Variants in ZBTB17 observed in about 807,000 individuals in gnomAD.
The protein encoded by ZBTB17 is zinc finger and BTB domain containing 17.
ZBTB17 carries 24 observed loss-of-function variants against 85.1 expected under a neutral mutation model. The observed-to-expected ratio is 0.28, with a 90% CI of 0.20 to 0.40. The LOEUF is 0.40. ZBTB17 is among the 10% of genes least tolerant of loss of function. The probability of loss-of-function intolerance (pLI) is 1.00; values close to 1 mark genes in which losing one functional copy is unlikely to be tolerated. For missense variants in ZBTB17, 743 were observed against 1,105.1 expected (o/e 0.67, Z 4.65); for synonymous variants, 464 against 460.2 (o/e 1.01, Z -0.11).
intron 12 of ZBTB17, 101 bp downstream of exon 12, chr1:15,943,298 G>A (rs1318722775): frequency 1.3e-5 from 20 of 1,595,836 alleles, no homozygotes; most frequent in South Asian, 2.2e-5. Flanking sequence ...CCTGGGGCGT[G>A]GGCAGCAGTC....
At chr1:15,959,402 C>T (rs2072166628) in intron 2 of ZBTB17, among the ~76,000 whole-genome samples, 1 of 151,794 alleles carries the variant, frequency 6.6e-6, no homozygotes, top group African/African-American at 2.4e-5. Context: ...TATATCCTTT[C>T]TGTGCTGTTT....
intron 2 of ZBTB17, among the ~76,000 whole-genome samples, chr1:15,955,689 C>T (rs1052345183): frequency 6.6e-6 from 1 of 152,214 alleles, no homozygotes; most frequent in Non-Finnish European, 1.5e-5. Context: ...ATGGCTCACA[C>T]CTGTAATCCT....
At chr1:15,975,272 TTTA>T (rs1246929444) in intron 1 of ZBTB17, among the ~76,000 whole-genome samples, 3 of 152,186 alleles carry the variant, frequency 2.0e-5, no homozygotes, top group Non-Finnish European at 4.4e-5. Flanking sequence ...GGAGGCTGAT[TTTA>T]TTATCATCTC....
Position 15,943,004 on chromosome 1 carries a change from T to A in ZBTB17, c.1828+60A>T. 2.5e-6 allele frequency: 4 copies of A among 1,602,256 alleles called. No homozygotes were observed. In the South Asian group the frequency reaches 4.4e-5, roughly 18 times the overall value. ...GTCTGGGGGGTCCCTTCCTTCCCCCTGCTCCCCACCTGGCAGCAGGGCCTG... is the reference window on the plus strand; with the variant it reads ...GTCTGGGGGGTCCCTTCCTTCCCCCAGCTCCCCACCTGGCAGCAGGGCCTG... On this transcript the variant is annotated intron_variant, in intron 13 of 15. Transcript: ENST00000375743.
intron 2 of ZBTB17, among the ~76,000 whole-genome samples, chr1:15,958,676 CAGA>C (rs929971362): frequency 2.0e-5 from 3 of 152,138 alleles, no homozygotes; most frequent in African/African-American, 7.2e-5. Context: ...TTCACTGGGG[CAGA>C]AGGACAGTGT....
At chr1:15,970,588 A>G (rs942260354) in intron 2 of ZBTB17, among the ~76,000 whole-genome samples, 13 of 151,016 alleles carry the variant, frequency 8.6e-5, no homozygotes, top group Middle Eastern at 3.2e-3. Context: ...TCGTTCTGTC[A>G]CCCAGGCTGG....
chr1:15,964,124 GAAAA>G lies in ZBTB17; in HGVS notation c.-3+8911_-3+8914del, dbSNP rs34511728. Among the ~76,000 whole-genome samples the G allele has an allele frequency of 7.5e-6, 1 of 133,966 alleles. No homozygotes were observed. The highest frequency in any genetic ancestry group is 2.8e-5 in the African/African-American group (1 of 35,470). The allele number at this position is 133,966 out of a possible 152,430, so 87.9% of individuals were successfully genotyped here. A position where few individuals can be genotyped will look rare whatever the true frequency, so the allele number is the denominator to read the frequency against. On this transcript the variant is annotated intron_variant, in intron 2 of 15. Transcript: ENST00000375743. The surrounding 1 kb of genome is among the most constrained non-coding windows in gnomAD (Gnocchi z 4.3). ...AACAGCGAGACCCTGTCTCTAGAGA[GAAAA>G]AAAAAAAAAGGTTTAAAAAGAACTA... is the stretch of plus-strand genomic sequence containing the variant.
At position 15,964,298 on chromosome 1, in the gene ZBTB17, T is replaced by C. The variant is rs896458154; in HGVS notation, c.-3+8741A>G. Among the ~76,000 whole-genome samples the C allele has an allele frequency of 7.2e-5, 11 of 152,242 alleles. No homozygotes were observed. Among genetic ancestry groups the C allele is most frequent in the African/African-American group, 2.7e-4 (11 of 41,462 alleles). On this transcript the variant is annotated intron_variant, in intron 2 of 15. Transcript: ENST00000375743. The surrounding 1 kb of genome is among the most constrained non-coding windows in gnomAD (Gnocchi z 4.3). ...TATGTAAATTGAAAGCTATACCACA[T>C]TTATGGATCAGATGACTCAACATCA...
Position 15,948,048 on chromosome 1 carries a change from C to A in ZBTB17, c.205+243G>T, listed in dbSNP as rs1034782543. 2.5e-5 allele frequency: 14 copies of A among 571,378 alleles called. No individual in the cohort carries two copies. The Admixed American group carries it at 4.1e-4, about 17-fold the overall frequency. 35.4% of individuals were successfully genotyped at this position (571,378 alleles called of 1,614,324 possible). Reference sequence around the variant, plus strand: ...AATGAGGCCTTTCCTGTGTTCACTGCGGCCTAGAGCTCATCATGAGCCCTT... The same window carrying A: ...AATGAGGCCTTTCCTGTGTTCACTGAGGCCTAGAGCTCATCATGAGCCCTT... On this transcript the variant is annotated intron_variant, in intron 3 of 15. Transcript: ENST00000375743.
At chr1:15,975,189 C>A (rs1465263643) in intron 1 of ZBTB17, among the ~76,000 whole-genome samples, 1 of 152,238 alleles carries the variant, frequency 6.6e-6, no homozygotes, top group Non-Finnish European at 1.5e-5. Context: ...TTAATAACAG[C>A]AACAAACACA....
chr1:15,942,297 C>G (rs375137445), intron 15 of ZBTB17, 34 bp downstream of exon 15: 4 of 1,613,750 alleles, frequency 2.5e-6, no homozygotes, highest in Middle Eastern at 1.6e-4. Context: ...ACCCCGGGCT[C>G]TGCCCACATT....
chr1:15,974,156 A>G lies in ZBTB17; in HGVS notation c.-89-1031T>C, dbSNP rs538687219. Among the ~76,000 whole-genome samples, 28 of 150,106 alleles carry G rather than the reference A, an allele frequency of 1.9e-4. No individual in the cohort carries two copies. The East Asian group carries it at 5.1e-3, about 27-fold the overall frequency. ...TGAACTATGATTATGCTGCCACTGC[A>G]CTCCAGCCTGGGTGACAGAGCAAGA... On this transcript the variant is annotated intron_variant, in intron 1 of 15. Transcript: ENST00000375743.
intron 3 of ZBTB17, chr1:15,948,081 GT>G (rs1185066418): frequency 3.2e-6 from 2 of 632,772 alleles, no homozygotes; most frequent in African/African-American, 3.6e-5. Context: ...CTTCCTGCCC[GT>G]TCTCCCCTTA....
chr1:15,948,049 G>T (rs952723676), intron 3 of ZBTB17: 8 of 577,470 alleles, frequency 1.4e-5, no homozygotes, highest in Non-Finnish European at 1.2e-5. Flanking sequence ...TGTTCACTGC[G>T]GCCTAGAGCT....
chr1:15,956,653 G>C (rs1557785989), intron 2 of ZBTB17, among the ~76,000 whole-genome samples: 1 of 152,218 alleles, frequency 6.6e-6, no homozygotes, highest in Non-Finnish European at 1.5e-5. Context: ...TTGCCCTTTA[G>C]GGGTGCTCAG....
In ZBTB17 at chr1:15,945,061, T is replaced by C. The variant is rs1557774276; in HGVS notation, c.803A>G (p.Asn268Ser). ...ENGEAPEENE[N>S]EESAGTDSGQ... ...CGAGTCTGTGCCCGCTGACTCCTCA[T>C]TCTCGTTCTCCTCGGGGGCCTCTCC... The change falls in exon 7 of 16, where the codon AAT (asparagine) becomes AGT (serine). Residue 268 changes from asparagine (N) to serine (S), a missense_variant. Physicochemically the swap from Asn to Ser is conservative, Grantham distance 46. Around this residue, in one of 4 missense-constraint regions of ZBTB17, gnomAD observed 279 missense variants for 269.9 expected, o/e 1.03. Coordinates refer to ENST00000375743, the MANE Select transcript of ZBTB17 (RefSeq NM_003443.3). The C allele has an allele frequency of 6.2e-7, 1 of 1,611,682 alleles. No homozygotes were observed.
rs1184369114 is a variant in ZBTB17 at position 15,966,163 on chromosome 1, A to G, written c.-3+6876T>C. Among the ~76,000 whole-genome samples, 2 of 152,210 alleles carry G rather than the reference A, an allele frequency of 1.3e-5. No individual in the cohort carries two copies. The highest frequency in any genetic ancestry group is 3.8e-4 in the East Asian group (2 of 5,202). On this transcript the variant is annotated intron_variant, in intron 2 of 15. Transcript: ENST00000375743. This position sits in a 1 kb window ranked among gnomAD's most constrained non-coding sequence, Gnocchi z 4.1. ...TCACAGTAACGGGGGAAAATCCCTG[A>G]GGGGCCCACATGGCCCCGAGACTAC...
rs2072253613 is a variant in ZBTB17, at chr1:15,961,417, A to G, written c.-3+11622T>C. ...TTAAGCTAAGATTCTGTAAAACTTC[A>G]CTGGGAAAAAACTAAACGAGTAAGA... On this transcript the variant is annotated intron_variant, in intron 2 of 15. Coordinates refer to ENST00000375743, the MANE Select transcript of ZBTB17 (RefSeq NM_003443.3). Among the ~76,000 whole-genome samples, 3 of 152,250 alleles carry G rather than the reference A, an allele frequency of 2.0e-5. No individual in the cohort carries two copies. The South Asian group carries it at 6.2e-4, about 31-fold the overall frequency.
chr1:15,950,654 C>A (rs1476694419), intron 2 of ZBTB17, among the ~76,000 whole-genome samples: 5 of 152,344 alleles, frequency 3.3e-5, no homozygotes, highest in Admixed American at 1.3e-4. Flanking sequence ...CTGGCTTCCT[C>A]ACCTTCCCCA....
Sources: gnomAD v4.1 joint callset for allele counts (sites outside exome capture counted in the v4.1 genomes callset) on GRCh38, gnomAD v4.1.1 for gene constraint, gnomAD v4.1.1 regional missense constraint, Gnocchi (gnomAD v3.1) non-coding constraint, MANE v1.5 for transcripts, NCBI Gene and HGNC (gene_info 2026-07-23, HGNC 2026-07-21) for gene names.